The following PTPRD variants were observed in gnomAD, a reference collection of about 807,000 sequenced individuals.
The protein encoded by PTPRD is receptor-type tyrosine-protein phosphatase delta.
In PTPRD, 34 loss-of-function variants were observed where a neutral mutation model predicts 214.5. That is an observed-to-expected ratio of 0.16 (90% CI 0.12 to 0.21). PTPRD has a LOEUF of 0.21. Ranked by LOEUF, PTPRD falls within the 10% of genes least tolerant of loss-of-function variation. The pLI, the probability that PTPRD is intolerant of heterozygous loss-of-function variation, is 1.00. For synonymous variants in PTPRD, 1,128 were observed against 845.7 expected (o/e 1.33, Z -5.79); for missense variants, 2,545 against 2,398.7 (o/e 1.06, Z -1.27).
chr9:9,812,612 A>T (rs1207896625), intron 5 of PTPRD, among the ~76,000 whole-genome samples: 1 of 152,216 alleles, frequency 6.6e-6, no homozygotes, highest in Non-Finnish European at 1.5e-5. Flanking sequence ...CATCAAAAGG[A>T]TGTAACAATT....
intron 12 of PTPRD, among the ~76,000 whole-genome samples, chr9:8,681,747 C>T (rs2097554006): frequency 6.6e-6 from 1 of 152,198 alleles, no homozygotes; most frequent in Non-Finnish European, 1.5e-5. Flanking sequence ...AAATTCCCAT[C>T]CTTGAATATA....
chr9:8,334,460 AG>A (rs1276546455), intron 43 of PTPRD, among the ~76,000 whole-genome samples: 1 of 146,924 alleles, frequency 6.8e-6, no homozygotes. Flanking sequence ...AACAGAATGA[AG>A]GCAGAAATAA....
intron 8 of PTPRD, among the ~76,000 whole-genome samples, chr9:9,497,177 T>C (rs1434579077): frequency 1.3e-5 from 2 of 152,210 alleles, no homozygotes; most frequent in African/African-American, 2.4e-5. Flanking sequence ...ATGGTGGTGA[T>C]AGCTGCACAA....
intron 2 of PTPRD, among the ~76,000 whole-genome samples, chr9:10,407,028 T>C (rs892607049): frequency 1.3e-5 from 2 of 151,622 alleles, no homozygotes; most frequent in African/African-American, 2.4e-5. Flanking sequence ...CAATTTCCTA[T>C]AGTATTTTCT....
At position 10,482,108 on chromosome 9, in the gene PTPRD, A is replaced by G. The variant is rs192793527; in HGVS notation, c.-600+130290T>C. On this transcript the variant is annotated intron_variant, in intron 2 of 45. Transcript: ENST00000381196. ...AAATGTTGGCCGGGCGCGGTGGCTC[A>G]CGCCTGTAATCCCAGCATTTTGGGA... is the stretch of plus-strand genomic sequence containing the variant. Among the ~76,000 whole-genome samples the G allele has an allele frequency of 9.3e-4, 141 of 152,152 alleles. 1 individual carries two copies. The highest frequency in any genetic ancestry group is 1.9e-3 in the Non-Finnish European group (129 of 68,018).
At chr9:9,334,887 C>A (rs1345532325) in intron 9 of PTPRD, among the ~76,000 whole-genome samples, 1 of 151,618 alleles carries the variant, frequency 6.6e-6, no homozygotes, top group East Asian at 1.9e-4. Flanking sequence ...TAGATGCTTA[C>A]CAATATGAGC....
At chr9:8,863,098 TAAAG>T (rs2098135193) in intron 11 of PTPRD, among the ~76,000 whole-genome samples, 1 of 152,184 alleles carries the variant, frequency 6.6e-6, no homozygotes, top group African/African-American at 2.4e-5. Context: ...ACATCTTTCA[TAAAG>T]AAAGGCCTAG....
chr9:8,760,049 G>T (rs913729983), intron 11 of PTPRD, among the ~76,000 whole-genome samples: 1 of 152,154 alleles, frequency 6.6e-6, no homozygotes, highest in African/African-American at 2.4e-5. Flanking sequence ...CTTGTAGCTG[G>T]AATCTAAGGT....
intron 10 of PTPRD, among the ~76,000 whole-genome samples, chr9:9,093,394 T>C (rs960339713): frequency 6.6e-6 from 1 of 152,028 alleles, no homozygotes; most frequent in Non-Finnish European, 1.5e-5. Flanking sequence ...TTTATTCAAA[T>C]GCCCAAGAAA....
intron 14 of PTPRD, among the ~76,000 whole-genome samples, chr9:8,548,809 C>G (rs1200638055): frequency 1.3e-5 from 2 of 150,016 alleles, no homozygotes; most frequent in African/African-American, 4.9e-5. Flanking sequence ...ATTCTCCTGC[C>G]TCAGCCTCCC....
chr9:9,444,939 T>C (rs1028488055), intron 8 of PTPRD, among the ~76,000 whole-genome samples: 2 of 152,164 alleles, frequency 1.3e-5, no homozygotes, highest in African/African-American at 2.4e-5. Flanking sequence ...ATTTGTTCCA[T>C]TTGACCAGTT....
chr9:9,054,773 T>C (rs1398142980), intron 10 of PTPRD, among the ~76,000 whole-genome samples: 2 of 152,186 alleles, frequency 1.3e-5, no homozygotes, highest in Non-Finnish European at 2.9e-5. Context: ...CAAGAATAGA[T>C]ATCAACCCTT....
intron 5 of PTPRD, among the ~76,000 whole-genome samples, chr9:9,853,523 A>G (rs1157056144): frequency 6.6e-6 from 1 of 151,934 alleles, no homozygotes; most frequent in Non-Finnish European, 1.5e-5. Context: ...ATTATTGTGT[A>G]TTAATATTTT....
chr9:8,569,293 C>G (rs1242131038), intron 14 of PTPRD, among the ~76,000 whole-genome samples: 4 of 152,050 alleles, frequency 2.6e-5, no homozygotes, highest in African/African-American at 9.7e-5. Flanking sequence ...AGAAGGAAGC[C>G]CATTCTATCC....
chr9:8,982,266 C>T (rs10511515), intron 11 of PTPRD, among the ~76,000 whole-genome samples: 100,560 of 151,810 alleles, frequency 0.66, 33,807 homozygotes, highest in African/African-American at 0.77. Flanking sequence ...TATATAAACT[C>T]TCCTTCCATT....
chr9:10,046,854 C>G (rs902438484), intron 3 of PTPRD, among the ~76,000 whole-genome samples: 8 of 151,966 alleles, frequency 5.3e-5, no homozygotes, highest in African/African-American at 1.9e-4. Context: ...ACCACGAAAA[C>G]TGAGCTAGTC....
chr9:10,388,428 T>C (rs1456136212), intron 2 of PTPRD, among the ~76,000 whole-genome samples: 1 of 150,292 alleles, frequency 6.7e-6, no homozygotes, highest in East Asian at 2.0e-4. Flanking sequence ...GGCTTGACTA[T>C]AGTAGATGCT....
chr9:9,512,024 C>T (rs1442501182), intron 8 of PTPRD, among the ~76,000 whole-genome samples: 1 of 151,686 alleles, frequency 6.6e-6, no homozygotes, highest in Non-Finnish European at 1.5e-5. Flanking sequence ...TCTAGAAGAA[C>T]AGATTATGAC....
At chr9:8,410,849 A>C (rs1020289223) in intron 35 of PTPRD, among the ~76,000 whole-genome samples, 6 of 152,194 alleles carry the variant, frequency 3.9e-5, no homozygotes, top group Admixed American at 3.3e-4. Context: ...ATATTATTAG[A>C]ACTGACATGC....
Sources: allele counts gnomAD v4.1 joint callset (sites outside exome capture counted in the v4.1 genomes callset), GRCh38; gene constraint gnomAD v4.1.1; transcripts MANE v1.5; gene names NCBI Gene and HGNC (gene_info 2026-07-23, HGNC 2026-07-21).